The following MYEF2 variants were observed in gnomAD, a reference collection of about 807,000 sequenced individuals.
The protein encoded by MYEF2 is myelin gene expression factor 2.
MYEF2 carries 37 observed loss-of-function variants against 75.2 expected under a neutral mutation model. The ratio of observed to expected loss-of-function variants is 0.49; its 90% CI spans 0.38 to 0.65. The LOEUF is 0.65. Among genes scored for constraint, MYEF2 ranks in the 30% least tolerant of loss-of-function variants. The probability of loss-of-function intolerance (pLI) is 0.00; values close to 1 mark genes in which losing one functional copy is unlikely to be tolerated. For missense variants in MYEF2, 634 were observed against 771.4 expected (o/e 0.82, Z 2.11); for synonymous variants, 195 against 241.6 (o/e 0.81, Z 1.79).
chr15:48,177,211 C>T (rs779619026), intron 1 of MYEF2, among the ~76,000 whole-genome samples: 1 of 152,128 alleles, frequency 6.6e-6, no homozygotes, highest in Non-Finnish European at 1.5e-5. Context: ...CATATCCTCC[C>T]ACAGGACAGG....
rs549455868 is a variant in MYEF2, at chr15:48,148,350, T to C, written c.1639+682A>G. ...TATTTGTAACAAAAGTTAAGTATGG[T>C]ATATAAAAAGCTCTTTTTTAAAAGT... On this transcript the variant is annotated intron_variant, in intron 16 of 16. Transcript: ENST00000324324. Among the ~76,000 whole-genome samples, 5 of 152,174 alleles carry C rather than the reference T, an allele frequency of 3.3e-5. No individual in the cohort carries two copies. The South Asian group carries it at 1.0e-3, about 32-fold the overall frequency.
intron 16 of MYEF2, among the ~76,000 whole-genome samples, chr15:48,146,990 T>C (rs940543404): frequency 6.6e-6 from 1 of 151,868 alleles, no homozygotes; most frequent in Non-Finnish European, 1.5e-5. Context: ...TATCTTAATA[T>C]AAAATCTAAG....
In MYEF2 at chr15:48,139,722, T is replaced by C. The variant is rs1294760915; in HGVS notation, c.*3186A>G. On this transcript the variant is annotated 3_prime_UTR_variant, in exon 17 of 17. Transcript: ENST00000324324. ...CCTTCATGATTAAGACTTAACTAGC[T>C]ACTGCTGCTTGGCCATAATCCACTA... The C allele has an allele frequency of 6.6e-6, 1 of 152,174 alleles. No homozygotes were observed. Among genetic ancestry groups the C allele is most frequent in the African/African-American group, 2.4e-5 (1 of 41,436 alleles). 9.4% of individuals were successfully genotyped at this position (152,174 alleles called of 1,614,324 possible). A position where few individuals can be genotyped will look rare whatever the true frequency, so the allele number is the denominator to read the frequency against.
chr15:48,134,933 C>A lies in MYEF2; in HGVS notation c.*7975G>T. 1.2e-6 allele frequency: 2 copies of A among 1,612,510 alleles called. No individual in the cohort carries two copies. Among genetic ancestry groups the A allele is most frequent in the Non-Finnish European group, 1.7e-6 (2 of 1,178,940 alleles). ...CTATTCAGAGACTGTGCAGCGTACACAATTAGTGCAGCAGCAGTTCTTGGT... is the reference window on the plus strand; with the variant it reads ...CTATTCAGAGACTGTGCAGCGTACAAAATTAGTGCAGCAGCAGTTCTTGGT... On this transcript the variant is annotated 3_prime_UTR_variant, in exon 17 of 17. Transcript: ENST00000324324.
chr15:48,146,456 C>A (rs946864846), intron 16 of MYEF2, among the ~76,000 whole-genome samples: 1 of 151,850 alleles, frequency 6.6e-6, no homozygotes, highest in Non-Finnish European at 1.5e-5. Flanking sequence ...TTGGAAAGAT[C>A]TGAAAACAAT....
Position 48,141,948 on chromosome 15 carries a change from C to A in MYEF2, c.*960G>T. On this transcript the variant is annotated 3_prime_UTR_variant, in exon 17 of 17. Coordinates refer to ENST00000324324, the MANE Select transcript of MYEF2 (RefSeq NM_016132.5). Reference sequence around the variant, plus strand: ...AACGAATCAACAACAAAAAAGTATCCAGTGTTTCTTTTCTTATGAAGATTA... The same window carrying A: ...AACGAATCAACAACAAAAAAGTATCAAGTGTTTCTTTTCTTATGAAGATTA... 9.8e-7 allele frequency: 1 copy of A among 1,019,906 alleles called. No individual in the cohort carries two copies. The highest frequency in any genetic ancestry group is 2.5e-5 in the East Asian group (1 of 39,866). The allele number at this position is 1,019,906 out of a possible 1,614,324, so 63.2% of individuals were successfully genotyped here.
intron 16 of MYEF2, among the ~76,000 whole-genome samples, chr15:48,148,511 G>A (rs924966155): frequency 3.9e-5 from 6 of 152,138 alleles, no homozygotes; most frequent in East Asian, 1.9e-4. Context: ...ATTCCTGACA[G>A]TGGGTTGTAT....
chr15:48,153,324 A>G (rs1052866860), intron 10 of MYEF2: 3 of 152,154 alleles, frequency 2.0e-5, no homozygotes, highest in African/African-American at 7.2e-5. Context: ...CGGGTTCTCA[A>G]CAAATTTTAA....
intron 5 of MYEF2, among the ~76,000 whole-genome samples, chr15:48,160,398 CA>C (rs2039891442): frequency 6.6e-6 from 1 of 151,432 alleles, no homozygotes. Context: ...GCTAAATGTC[CA>C]AGTGAGAAAT....
intron 16 of MYEF2, among the ~76,000 whole-genome samples, chr15:48,144,630 C>T (rs1450537091): frequency 1.3e-5 from 2 of 151,906 alleles, no homozygotes; most frequent in African/African-American, 2.4e-5. Flanking sequence ...ATAGCAATCA[C>T]ACTTTCTAAT....
Position 48,134,650 on chromosome 15 carries a change from T to C in MYEF2, c.*8258A>G. 4 of 810,146 alleles carry C rather than the reference T, an allele frequency of 4.9e-6. No individual in the cohort carries two copies. Among genetic ancestry groups the C allele is most frequent in the Non-Finnish European group, 5.9e-6 (3 of 507,484 alleles). The allele number at this position is 810,146 out of a possible 1,614,324, so 50.2% of individuals were successfully genotyped here. Reference sequence around the variant, plus strand: ...CTAATAATATGTGCAATCAAATTTATTAATCAGTAGAAAAACAACATGTAT... The same window carrying C: ...CTAATAATATGTGCAATCAAATTTACTAATCAGTAGAAAAACAACATGTAT... On this transcript the variant is annotated 3_prime_UTR_variant, in exon 17 of 17. Coordinates refer to ENST00000324324, the MANE Select transcript of MYEF2 (RefSeq NM_016132.5).
intron 1 of MYEF2, among the ~76,000 whole-genome samples, chr15:48,176,586 C>A (rs1441848406): frequency 6.6e-6 from 1 of 152,108 alleles, no homozygotes; most frequent in Non-Finnish European, 1.5e-5. Flanking sequence ...TCCCCTATAT[C>A]AAAACTAATC....
chr15:48,139,271 T>C lies in MYEF2; in HGVS notation c.*3637A>G, dbSNP rs1385694130. The C allele has an allele frequency of 2.0e-6, 2 of 998,062 alleles. No homozygotes were observed. The highest frequency in any genetic ancestry group is 1.6e-5 in the African/African-American group (1 of 62,008). The allele number at this position is 998,062 out of a possible 1,614,324, so 61.8% of individuals were successfully genotyped here. On this transcript the variant is annotated 3_prime_UTR_variant, in exon 17 of 17. Transcript: ENST00000324324. ...AAGTAGTCTAGCTACACAGCAAATTTCTTTTCAGCAAGATTGAAGATTAGT... is the reference window on the plus strand; with the variant it reads ...AAGTAGTCTAGCTACACAGCAAATTCCTTTTCAGCAAGATTGAAGATTAGT...
intron 1 of MYEF2, among the ~76,000 whole-genome samples, chr15:48,175,229 G>A (rs1486938416): frequency 1.3e-5 from 2 of 152,092 alleles, no homozygotes; most frequent in African/African-American, 4.8e-5. Context: ...AAAGACAAAT[G>A]CTACATGATC....
intron 7 of MYEF2, 120 bp from the exon 8 acceptor site, chr15:48,158,344 TTATTGA>T: frequency 1.2e-6 from 1 of 845,492 alleles, no homozygotes; most frequent in Non-Finnish European, 1.8e-6. Context: ...TCTTTAATAC[TTATTGA>T]TATTAGCCAC....
intron 11 of MYEF2, 107 bp from the exon 12 acceptor site, chr15:48,152,049 T>C: frequency 8.1e-7 from 1 of 1,233,324 alleles, no homozygotes; most frequent in Non-Finnish European, 1.2e-6. Flanking sequence ...CACCCTACCT[T>C]GTGCAGCTAC....
At chr15:48,152,308 A>G (rs1288827311) in intron 10 of MYEF2, 24 bp from the exon 11 acceptor site, 1 of 1,569,106 alleles carries the variant, frequency 6.4e-7, no homozygotes, top group Non-Finnish European at 8.7e-7. Context: ...CACAGTATGT[A>G]CTTTAAGTAT....
intron 9 of MYEF2, among the ~76,000 whole-genome samples, chr15:48,156,620 A>T (rs1044447985): frequency 5.3e-5 from 8 of 151,950 alleles, no homozygotes; most frequent in Non-Finnish European, 8.8e-5. Context: ...AGAACATATA[A>T]TTCTGATAAA....
rs552300817 is a variant in MYEF2 at position 48,138,113 on chromosome 15, C to A, written c.*4795G>T. On this transcript the variant is annotated 3_prime_UTR_variant, in exon 17 of 17. Transcript: ENST00000324324. ...TAATAAGAAACGCAAAAGAACCAAT[C>A]CAAATTCTTTGATTATGTTAAAATT... 1 of 152,088 alleles carries A rather than the reference C, an allele frequency of 6.6e-6. No individual in the cohort carries two copies. The highest frequency in any genetic ancestry group is 1.9e-4 in the East Asian group (1 of 5,174). 9.4% of individuals were successfully genotyped at this position (152,088 alleles called of 1,614,324 possible).
Sources: gnomAD v4.1 joint callset for allele counts (sites outside exome capture counted in the v4.1 genomes callset) on GRCh38, gnomAD v4.1.1 for gene constraint, MANE v1.5 for transcripts, NCBI Gene and HGNC (gene_info 2026-07-23, HGNC 2026-07-21) for gene names.